The following SYNE1 variants were observed in gnomAD, a reference collection of about 807,000 sequenced individuals.
The protein encoded by SYNE1 is spectrin repeat containing nuclear envelope protein 1, also known as nesprin-1.
In SYNE1, 616 loss-of-function variants were observed where a neutral mutation model predicts 1,111.0. The observed-to-expected ratio is 0.55, with a 90% CI of 0.52 to 0.59. The LOEUF is 0.59. Ranked by LOEUF, SYNE1 falls within the 20% of genes least tolerant of loss-of-function variation. SYNE1 has a pLI of 0.00. For synonymous variants in SYNE1, 3,855 were observed against 3,825.8 expected (o/e 1.01, Z -0.28); for missense variants, 10,006 against 10,417.0 (o/e 0.96, Z 1.72).
At chr6:152,598,410 G>A (rs2128612048) in intron 3 of SYNE1, among the ~76,000 whole-genome samples, 1 of 152,292 alleles carries the variant, frequency 6.6e-6, no homozygotes, top group South Asian at 2.1e-4. Context: ...AAATTGCCCT[G>A]TCTAGGGTAT....
intron 51 of SYNE1, among the ~76,000 whole-genome samples, chr6:152,393,640 C>T (rs17082589): frequency 0.013 from 2,018 of 151,886 alleles, 53 homozygotes; most frequent in African/African-American, 0.046. Flanking sequence ...AGAGATGTTC[C>T]AATGTATTTC....
chr6:152,525,360 A>G (rs2099158922), intron 5 of SYNE1, among the ~76,000 whole-genome samples: 1 of 152,200 alleles, frequency 6.6e-6, no homozygotes, highest in Non-Finnish European at 1.5e-5. Flanking sequence ...GTGTTATCCA[A>G]CATCTTGAAA....
chr6:152,464,887 C>A (rs905854353), intron 18 of SYNE1: 1 of 307,104 alleles, frequency 3.3e-6, no homozygotes, highest in Non-Finnish European at 6.3e-6. Context: ...GTTCAACTGG[C>A]GTATGCTACC....
intron 49 of SYNE1, 98 bp downstream of exon 49, chr6:152,398,521 T>C: frequency 1.0e-6 from 1 of 955,428 alleles, no homozygotes; most frequent in Non-Finnish European, 1.7e-6. Flanking sequence ...AGGAAAAGAT[T>C]GGCTCAGATA....
chr6:152,195,525 G>C (rs2073881940), intron 127 of SYNE1, among the ~76,000 whole-genome samples: 1 of 152,200 alleles, frequency 6.6e-6, no homozygotes, highest in African/African-American at 2.4e-5. Flanking sequence ...GGCACCCCAA[G>C]CCCACTAAAA....
Position 152,329,845 on chromosome 6 carries a change from T to C in SYNE1, c.14840A>G (p.Lys4947Arg). 1 of 1,614,204 alleles carries C rather than the reference T, an allele frequency of 6.2e-7. No homozygotes were observed. The highest frequency in any genetic ancestry group is 8.5e-7 in the Non-Finnish European group (1 of 1,180,032). The change falls in exon 78 of 146, where the codon AAG becomes AGG. Residue 4947 changes from lysine (K) to arginine (R), a missense_variant. By Grantham distance (26) the Lys-to-Arg change is conservative. Around this residue, in one of 7 missense-constraint regions of SYNE1, gnomAD observed 4,955 missense variants for 5,017.2 expected, o/e 0.99. Coordinates refer to ENST00000367255, the MANE Select transcript of SYNE1 (RefSeq NM_182961.4). Reference sequence around the variant, plus strand: ...GGCCTTTGTGAACTTCTCCTTTTCCTTGTGACTCAGCGCATTCATGATTCT... The same window carrying C: ...GGCCTTTGTGAACTTCTCCTTTTCCCTGTGACTCAGCGCATTCATGATTCT... ...SLRIMNALSH[K>R]EKEKFTKAKE...
intron 3 of SYNE1, among the ~76,000 whole-genome samples, chr6:152,605,314 G>A (rs1487021639): frequency 3.3e-5 from 5 of 151,848 alleles, no homozygotes; most frequent in African/African-American, 4.8e-5. Context: ...CATTTTCTAC[G>A]TTAAATTATT....
chr6:152,555,494 C>T (rs1235431392), intron 3 of SYNE1, among the ~76,000 whole-genome samples: 1 of 152,158 alleles, frequency 6.6e-6, no homozygotes, highest in African/African-American at 2.4e-5. Context: ...GCTATGCCAT[C>T]TAGGCTTGTG....
At chr6:152,231,784 A>ATG (rs369191135) in intron 113 of SYNE1, among the ~76,000 whole-genome samples, 151 of 148,928 alleles carry the variant, frequency 1.0e-3, no homozygotes, top group Admixed American at 2.9e-3. Context: ...ATACGTGTGT[A>ATG]TGTGTGTGTG....
At chr6:152,409,350 A>C in intron 43 of SYNE1, 124 bp from the exon 44 acceptor site, 1 of 1,077,258 alleles carries the variant, frequency 9.3e-7, no homozygotes, top group Non-Finnish European at 1.4e-6. Context: ...TAGTGAGATT[A>C]ATTAACTATA....
Position 152,164,252 on chromosome 6 carries a change from G to T in SYNE1, c.23701C>A (p.Leu7901Ile), listed in dbSNP as rs758256784. 2 of 1,614,182 alleles carry T rather than the reference G, an allele frequency of 1.2e-6. No homozygotes were observed. Among genetic ancestry groups the T allele is most frequent in the South Asian group, 2.2e-5 (2 of 91,078 alleles). Residue 7901 changes from leucine to isoleucine, a missense_variant, in exon 131 of 146, where the codon CTC becomes ATC. Leu to Ile is a conservative substitution (Grantham distance 5). Transcript: ENST00000367255. ...GCCAGCTCTGACTCGATGTGAGCGA[G>T]CCAGGTCCTCAGGCTGCTCATGTTC... ...DKNMSSLRTWLAHIESELAKP... is the reference protein window; with the variant it reads ...DKNMSSLRTWIAHIESELAKP...
chr6:152,275,375 G>C (rs991061714), intron 98 of SYNE1, among the ~76,000 whole-genome samples: 2 of 152,002 alleles, frequency 1.3e-5, no homozygotes, highest in Admixed American at 6.6e-5. Flanking sequence ...TGTAAAATAT[G>C]GGGTAGAAAA....
intron 95 of SYNE1, among the ~76,000 whole-genome samples, chr6:152,285,439 G>A (rs78971980): frequency 0.11 from 16,738 of 152,110 alleles, 1,058 homozygotes; most frequent in Admixed American, 0.19. Context: ...ATATCAATTA[G>A]GTCCTCTCAC....
Position 152,401,244 on chromosome 6 carries a change from T to C in SYNE1, c.6923A>G (p.Gln2308Arg). ...TATGTCATTAATAAACTTCTCCACT[T>C]GTGTACTTTGAGCCGTGAAATCCTT... ...TLKDFTAQST[Q>R]VEKFINDITT... The change falls in exon 47 of 146, where the codon CAA becomes CGA. Residue 2308 changes from glutamine to arginine, a missense_variant. This residue lies in a region of SYNE1 where 4,955 missense variants were observed against 5,017.2 expected (regional missense o/e 0.99). Coordinates refer to ENST00000367255, the MANE Select transcript of SYNE1 (RefSeq NM_182961.4). The C allele has an allele frequency of 6.2e-7, 1 of 1,614,198 alleles. No homozygotes were observed. Among genetic ancestry groups the C allele is most frequent in the Non-Finnish European group, 8.5e-7 (1 of 1,180,022 alleles).
chr6:152,476,053 A>G (rs1212574198), intron 14 of SYNE1, among the ~76,000 whole-genome samples: 2 of 152,160 alleles, frequency 1.3e-5, no homozygotes, highest in Non-Finnish European at 2.9e-5. Flanking sequence ...GATTCCCTCC[A>G]GGATCAGTCC....
At chr6:152,547,340 C>T (rs1288379348) in intron 3 of SYNE1, among the ~76,000 whole-genome samples, 1 of 152,196 alleles carries the variant, frequency 6.6e-6, no homozygotes, top group African/African-American at 2.4e-5. Context: ...CACAAAGAGC[C>T]TATTAGCGGA....
intron 65 of SYNE1, 115 bp from the exon 66 acceptor site, chr6:152,358,652 A>G (rs2096880347): frequency 2.0e-6 from 2 of 980,748 alleles, no homozygotes; most frequent in Admixed American, 4.5e-5. Context: ...ACATTAGAAT[A>G]TGAGTTATTT....
chr6:152,130,118 C>T (rs2055072040), intron 145 of SYNE1, among the ~76,000 whole-genome samples: 1 of 152,062 alleles, frequency 6.6e-6, no homozygotes, highest in African/African-American at 2.4e-5. Context: ...CCAGAGTGAG[C>T]TTGCCAAGTG....
chr6:152,134,035 A>G (rs2056479283), intron 142 of SYNE1: 1 of 159,510 alleles, frequency 6.3e-6, no homozygotes, highest in African/African-American at 2.4e-5. Flanking sequence ...TCTGTAGTTT[A>G]GGTGAGTGTT....
Sources: allele counts gnomAD v4.1 joint callset (sites outside exome capture counted in the v4.1 genomes callset), GRCh38; gene constraint gnomAD v4.1.1; regional missense constraint gnomAD v4.1.1; transcripts MANE v1.5; gene names NCBI Gene and HGNC (gene_info 2026-07-23, HGNC 2026-07-21).